Variants in RIMBP2 observed in about 807,000 individuals in gnomAD.
RIMBP2 encodes the protein RIMS-binding protein 2.
Under a neutral mutation model 118.6 loss-of-function variants are expected in RIMBP2, and 48 were observed. That is an observed-to-expected ratio of 0.40 (90% CI 0.32 to 0.51). RIMBP2 has a LOEUF of 0.51. Ranked by LOEUF, RIMBP2 falls within the 20% of genes least tolerant of loss-of-function variation. The probability of loss-of-function intolerance (pLI) is 0.41; values close to 1 mark genes in which losing one functional copy is unlikely to be tolerated. For synonymous variants in RIMBP2, 762 were observed against 742.9 expected (o/e 1.03, Z -0.42); for missense variants, 1,551 against 1,768.3 (o/e 0.88, Z 2.20).
rs80055208 is a variant in RIMBP2 at position 130,646,394 on chromosome 12, A to T, written c.-351-17938T>A. Among the ~76,000 whole-genome samples, 76 of 43,630 alleles carry T rather than the reference A, an allele frequency of 1.7e-3. 6 individuals are homozygous for T. The highest frequency in any genetic ancestry group is 4.0e-3 in the East Asian group (5 of 1,252). 28.6% of individuals were successfully genotyped at this position (43,630 alleles called of 152,430 possible). A position where few individuals can be genotyped will look rare whatever the true frequency, so the allele number is the denominator to read the frequency against. ...CACCACCTCCCTCACCACCTCCCTC[A>T]CCACCTGCCTCTCCACCTCCCTCAC... On this transcript the variant is annotated intron_variant, in intron 1 of 22. Coordinates refer to ENST00000690449, the MANE Select transcript of RIMBP2 (RefSeq NM_001393629.1).
At chr12:130,497,565 A>C (rs993875189) in intron 4 of RIMBP2, among the ~76,000 whole-genome samples, 8 of 152,326 alleles carry the variant, frequency 5.3e-5, no homozygotes, top group African/African-American at 1.9e-4. Flanking sequence ...TGAGCGAAGC[A>C]CCACCGGTTG....
At chr12:130,410,433 A>G (rs1479261218) in intron 19 of RIMBP2, among the ~76,000 whole-genome samples, 5 of 152,178 alleles carry the variant, frequency 3.3e-5, no homozygotes, top group Non-Finnish European at 4.4e-5. Context: ...TGTCAAAGAA[A>G]TCGTTGCCTG....
At chr12:130,698,326 G>A (rs898501535) in intron 1 of RIMBP2, among the ~76,000 whole-genome samples, 9 of 152,168 alleles carry the variant, frequency 5.9e-5, no homozygotes, top group African/African-American at 1.9e-4. Flanking sequence ...TCAGAAGGCC[G>A]TCCGTCCCTG....
intron 2 of RIMBP2, among the ~76,000 whole-genome samples, chr12:130,524,678 T>C (rs2052572812): frequency 2.0e-5 from 3 of 151,826 alleles, no homozygotes; most frequent in East Asian, 3.9e-4. Flanking sequence ...CTGTCCTGGG[T>C]GTTAAGGGGA....
chr12:130,474,162 G>T (rs1257440112), intron 5 of RIMBP2, among the ~76,000 whole-genome samples: 2 of 152,264 alleles, frequency 1.3e-5, no homozygotes, highest in Middle Eastern at 3.4e-3. Flanking sequence ...CAGGGTTTCA[G>T]AATCGGGTCT....
chr12:130,595,152 C>A (rs2059478708), intron 2 of RIMBP2, among the ~76,000 whole-genome samples: 2 of 152,200 alleles, frequency 1.3e-5, no homozygotes, highest in South Asian at 2.1e-4. Context: ...GGATTTGAAC[C>A]CAGGAAGTCC....
chr12:130,434,657 T>C lies in RIMBP2; in HGVS notation c.2253+77A>G. ...CCAAGGGTAGCGGGGAAAGTGCCCATGTCTCTTGATCTCCACGGGGCCCGC... is the reference window on the plus strand; with the variant it reads ...CCAAGGGTAGCGGGGAAAGTGCCCACGTCTCTTGATCTCCACGGGGCCCGC... On this transcript the variant is annotated intron_variant, in intron 14 of 22. Coordinates refer to ENST00000690449, the MANE Select transcript of RIMBP2 (RefSeq NM_001393629.1). This position sits in a 1 kb window ranked among gnomAD's most constrained non-coding sequence, Gnocchi z 5.7. 6.9e-7 allele frequency: 1 copy of C among 1,447,868 alleles called. No homozygotes were observed. The highest frequency in any genetic ancestry group is 2.3e-5 in the Admixed American group (1 of 43,852). The allele number at this position is 1,447,868 out of a possible 1,614,324, so 89.7% of individuals were successfully genotyped here.
chr12:130,693,834 C>T (rs928548102), intron 1 of RIMBP2, among the ~76,000 whole-genome samples: 2 of 152,168 alleles, frequency 1.3e-5, no homozygotes, highest in African/African-American at 2.4e-5. Context: ...TCTTGCCCCT[C>T]GTCCATTACC....
At chr12:130,663,490 A>C (rs1426802367) in intron 1 of RIMBP2, among the ~76,000 whole-genome samples, 1 of 151,456 alleles carries the variant, frequency 6.6e-6, no homozygotes, top group East Asian at 1.9e-4. Flanking sequence ...ACTAAGAGTA[A>C]AAATTAGGTT....
rs1566423169 is a variant in RIMBP2 at position 130,646,341 on chromosome 12, C to CCCTCACCACCTG, written c.-351-17886_-351-17885insCAGGTGGTGAGG. 3.4e-4 allele frequency among the ~76,000 whole-genome samples: 39 copies of CCCTCACCACCTG among 114,932 alleles called. 4 individuals are homozygous for CCCTCACCACCTG. The highest frequency in any genetic ancestry group is 1.2e-3 in the African/African-American group (38 of 31,040). The allele number at this position is 114,932 out of a possible 152,430, so 75.4% of individuals were successfully genotyped here. A position where few individuals can be genotyped will look rare whatever the true frequency, so the allele number is the denominator to read the frequency against. ...TCCCTCTCCACCTGCCTCACCACCT[C>CCCTCACCACCTG]CCTCACCACCTCCCTCACCACCTCC... is the stretch of plus-strand genomic sequence containing the variant. On this transcript the variant is annotated intron_variant, in intron 1 of 22. Coordinates refer to ENST00000690449, the MANE Select transcript of RIMBP2 (RefSeq NM_001393629.1).
chr12:130,538,985 G>A (rs532100502), intron 2 of RIMBP2, among the ~76,000 whole-genome samples: 10 of 152,304 alleles, frequency 6.6e-5, no homozygotes, highest in African/African-American at 7.2e-5. Context: ...GCATGTCCAC[G>A]GCTCTGCAGA....
At chr12:130,647,181 G>A (rs2063023921) in intron 1 of RIMBP2, among the ~76,000 whole-genome samples, 1 of 152,158 alleles carries the variant, frequency 6.6e-6, no homozygotes, top group South Asian at 2.1e-4. Context: ...TAGCCAACAT[G>A]GTGAAACCCT....
intron 2 of RIMBP2, among the ~76,000 whole-genome samples, chr12:130,534,384 T>C (rs10848137): frequency 0.83 from 126,689 of 151,864 alleles, 52,953 homozygotes; most frequent in East Asian, 0.97. Context: ...GAGGCCGAGG[T>C]GGGAGGACCA....
At chr12:130,565,000 T>C (rs116450647) in intron 2 of RIMBP2, among the ~76,000 whole-genome samples, 113 of 152,336 alleles carry the variant, frequency 7.4e-4, no homozygotes, top group African/African-American at 2.5e-3. Flanking sequence ...ACTCAAACTG[T>C]ATAAATTAAT....
At chr12:130,585,664 T>A (rs1395548525) in intron 2 of RIMBP2, among the ~76,000 whole-genome samples, 1 of 150,584 alleles carries the variant, frequency 6.6e-6, no homozygotes, top group African/African-American at 2.4e-5. Context: ...AGATTCTACA[T>A]GAGAATCTGG....
rs2062962726 is a variant in RIMBP2 at position 130,646,406 on chromosome 12, T to TCCACCTCCCTCA, written c.-351-17962_-351-17951dup. ...CACCACCTCCCTCACCACCTGCCTC[T>TCCACCTCCCTCA]CCACCTCCCTCACCACTTCCCTCTC... On this transcript the variant is annotated intron_variant, in intron 1 of 22. Transcript: ENST00000690449. Among the ~76,000 whole-genome samples, 11 of 10,606 alleles carry TCCACCTCCCTCA rather than the reference T, an allele frequency of 1.0e-3. 4 individuals carry two copies. The highest frequency in any genetic ancestry group is 3.4e-4 in the Non-Finnish European group (2 of 5,940). The allele number at this position is 10,606 out of a possible 152,430, so 7.0% of individuals were successfully genotyped here. A position where few individuals can be genotyped will look rare whatever the true frequency, so the allele number is the denominator to read the frequency against.
intron 1 of RIMBP2, among the ~76,000 whole-genome samples, chr12:130,667,099 GGAGAAAAAA>G (rs2063973836): frequency 3.3e-5 from 2 of 60,082 alleles, no homozygotes; most frequent in Non-Finnish European, 7.5e-5. Context: ...AGGGAGGATG[GGAGAAAAAA>G]AGGAATGAGG....
chr12:130,445,363 C>T, intron 9 of RIMBP2, 94 bp from the exon 10 acceptor site: 1 of 777,894 alleles, frequency 1.3e-6, no homozygotes, highest in Non-Finnish European at 2.1e-6. Context: ...CATGGCTTCT[C>T]TCCCACTCCT....
At chr12:130,655,007 C>A (rs1333919285) in intron 1 of RIMBP2, among the ~76,000 whole-genome samples, 1 of 152,204 alleles carries the variant, frequency 6.6e-6, no homozygotes, top group Non-Finnish European at 1.5e-5. Context: ...GACCCAAACA[C>A]CTCCCACCAG....
Sources: allele counts gnomAD v4.1 joint callset (sites outside exome capture counted in the v4.1 genomes callset), GRCh38; gene constraint gnomAD v4.1.1; non-coding constraint Gnocchi (gnomAD v3.1); transcripts MANE v1.5; gene names NCBI Gene and HGNC (gene_info 2026-07-23, HGNC 2026-07-21).